Variants in HAPLN1 observed in about 807,000 individuals in gnomAD.
HAPLN1 encodes the protein Cartilage link protein.
A neutral mutation model predicts 36.5 loss-of-function variants in HAPLN1; 13 were observed. The ratio of observed to expected loss-of-function variants is 0.36; its 90% CI spans 0.23 to 0.57. HAPLN1 has a LOEUF of 0.57. Among genes scored for constraint, HAPLN1 ranks in the 20% least tolerant of loss-of-function variants. HAPLN1 has a pLI of 0.83. For synonymous variants in HAPLN1, 202 were observed against 169.8 expected (o/e 1.19, Z -1.48); for missense variants, 407 against 439.7 (o/e 0.93, Z 0.66).
In HAPLN1 at chr5:83,639,418, C is replaced by T. The variant is rs984270739; in HGVS notation, c.*2078G>A. The T allele has an allele frequency of 6.6e-6, 1 of 152,030 alleles. No homozygotes were observed. The allele number at this position is 152,030 out of a possible 1,614,324, so 9.4% of individuals were successfully genotyped here. Reference sequence around the variant, plus strand: ...AGTTAAGAAATACTACTACATTTAACATTATAAAGTAGAGTTCTGGACATA... The same window carrying T: ...AGTTAAGAAATACTACTACATTTAATATTATAAAGTAGAGTTCTGGACATA... On this transcript the variant is annotated 3_prime_UTR_variant, in exon 5 of 5. Coordinates refer to ENST00000274341, the MANE Select transcript of HAPLN1 (RefSeq NM_001884.4).
rs377530571 is a variant in HAPLN1 at position 83,644,645 on chromosome 5, G to T, written c.493C>A (p.Pro165Thr). ...DLQGVVFPYFPRLGRYNLNFH... is the reference protein window; with the variant it reads ...DLQGVVFPYFTRLGRYNLNFH... ...TTGAGATTGTAGCGCCCCAGTCGTG[G>T]AAAGTAAGGGAATACCACACCTGTC... Residue 165 changes from proline (P) to threonine (T), a missense_variant, in exon 4 of 5, where the codon CCA (proline) becomes ACA (threonine). Physicochemically the swap from Pro to Thr is conservative, Grantham distance 38 (BLOSUM62 -1). Transcript: ENST00000274341. 3.5e-5 allele frequency: 51 copies of T among 1,474,444 alleles called. 1 individual carries two copies. In the East Asian group the frequency reaches 1.3e-3, roughly 37 times the overall value. The allele number at this position is 1,474,444 out of a possible 1,614,324, so 91.3% of individuals were successfully genotyped here. A position where few individuals can be genotyped will look rare whatever the true frequency, so the allele number is the denominator to read the frequency against.
At chr5:83,667,590 T>A (rs1750587941) in intron 2 of HAPLN1, among the ~76,000 whole-genome samples, 1 of 152,176 alleles carries the variant, frequency 6.6e-6, no homozygotes, top group African/African-American at 2.4e-5. Context: ...GAAAATGAAT[T>A]GATGTAGCTT....
chr5:83,678,930 T>A (rs1750929088), intron 1 of HAPLN1, among the ~76,000 whole-genome samples: 1 of 152,184 alleles, frequency 6.6e-6, no homozygotes, highest in African/African-American at 2.4e-5. Flanking sequence ...ACAATATTTG[T>A]TATGGAGTTT....
intron 1 of HAPLN1, among the ~76,000 whole-genome samples, chr5:83,719,821 A>G (rs1015124166): frequency 2.0e-5 from 3 of 152,212 alleles, no homozygotes; most frequent in South Asian, 2.1e-4. Context: ...TCATTTAGAA[A>G]TCAATCCACA....
chr5:83,699,231 T>G (rs537143227), intron 1 of HAPLN1, among the ~76,000 whole-genome samples: 1 of 152,156 alleles, frequency 6.6e-6, no homozygotes, highest in Non-Finnish European at 1.5e-5. Context: ...CAAACAACTA[T>G]TGAAGGAGAT....
intron 3 of HAPLN1, among the ~76,000 whole-genome samples, chr5:83,645,770 A>T (rs1309252390): frequency 6.6e-6 from 1 of 152,072 alleles, no homozygotes; most frequent in African/African-American, 2.4e-5. Flanking sequence ...AAATAGCAGG[A>T]CTAAAACAAG....
chr5:83,672,174 G>T (rs1253105101), intron 2 of HAPLN1, among the ~76,000 whole-genome samples: 3 of 152,056 alleles, frequency 2.0e-5, no homozygotes, highest in Admixed American at 6.6e-5. Context: ...ATTGCATTGG[G>T]TATAAAACTG....
At position 83,645,886 on chromosome 5, in the gene HAPLN1, A is replaced by G. The variant is rs1433228497; in HGVS notation, c.473-1221T>C. On this transcript the variant is annotated intron_variant, in intron 3 of 4. Transcript: ENST00000274341. Reference sequence around the variant, plus strand: ...AACATTTTTATTATAAACAGGAAAAAAAAACTTCCCTAAGCTTGTCCTGTA... The same window carrying G: ...AACATTTTTATTATAAACAGGAAAAGAAAACTTCCCTAAGCTTGTCCTGTA... Among the ~76,000 whole-genome samples the G allele has an allele frequency of 2.0e-5, 3 of 152,210 alleles. No homozygotes were observed. The South Asian group carries it at 6.2e-4, about 32-fold the overall frequency.
chr5:83,695,666 A>G (rs1224319920), intron 1 of HAPLN1, among the ~76,000 whole-genome samples: 3 of 147,872 alleles, frequency 2.0e-5, no homozygotes, highest in Non-Finnish European at 3.0e-5. Context: ...ATATATATCT[A>G]TATGTATTTA....
intron 1 of HAPLN1, among the ~76,000 whole-genome samples, chr5:83,704,431 A>C (rs1483936713): frequency 2.0e-5 from 3 of 152,214 alleles, no homozygotes; most frequent in Admixed American, 2.0e-4. Flanking sequence ...AAATGGGATA[A>C]ATTTCTCACT....
intron 1 of HAPLN1, among the ~76,000 whole-genome samples, chr5:83,696,624 C>T (rs1334936503): frequency 1.3e-5 from 2 of 152,076 alleles, no homozygotes; most frequent in African/African-American, 4.8e-5. Context: ...TATGGCCAAA[C>T]TGCTCTTCAG....
At chr5:83,689,369 C>T (rs897355489) in intron 1 of HAPLN1, among the ~76,000 whole-genome samples, 3 of 152,038 alleles carry the variant, frequency 2.0e-5, no homozygotes, top group Non-Finnish European at 2.9e-5. Flanking sequence ...ATGAAGATTA[C>T]TAATATTACT....
intron 4 of HAPLN1, among the ~76,000 whole-genome samples, chr5:83,642,905 T>G (rs1382969125): frequency 4.6e-5 from 7 of 152,202 alleles, no homozygotes; most frequent in Admixed American, 4.6e-4. Context: ...TGCTGCCATC[T>G]CCCTCTGGGT....
chr5:83,710,830 A>C (rs1751764295), intron 1 of HAPLN1, among the ~76,000 whole-genome samples: 2 of 152,094 alleles, frequency 1.3e-5, no homozygotes, highest in African/African-American at 4.8e-5. Flanking sequence ...AGGCGCCTGT[A>C]GTCCCAGCTA....
At chr5:83,684,100 T>C (rs951280618) in intron 1 of HAPLN1, among the ~76,000 whole-genome samples, 7 of 151,994 alleles carry the variant, frequency 4.6e-5, no homozygotes, top group Admixed American at 4.6e-4. Flanking sequence ...GCATGGCCCC[T>C]GAGAATGGGA....
At chr5:83,644,784 C>T (rs1040884319) in intron 3 of HAPLN1, 119 bp from the exon 4 acceptor site, 9 of 593,506 alleles carry the variant, frequency 1.5e-5, no homozygotes, top group Admixed American at 1.3e-4. Context: ...AGTAGTTTTT[C>T]GTCAACTAGC....
At chr5:83,662,445 C>T (rs185630284) in intron 2 of HAPLN1, among the ~76,000 whole-genome samples, 30 of 152,150 alleles carry the variant, frequency 2.0e-4, no homozygotes, top group African/African-American at 7.0e-4. Context: ...TCTGTGTTAT[C>T]AAAGATTTAT....
At chr5:83,673,336 C>T (rs902658203) in intron 2 of HAPLN1, 88 bp downstream of exon 2, 1 of 897,782 alleles carries the variant, frequency 1.1e-6, no homozygotes, top group East Asian at 2.6e-5. Flanking sequence ...TGCAGCAGAA[C>T]TAAAATTAAG....
rs1277440818 is a variant in HAPLN1, at chr5:83,641,619, G to A, written c.942C>T (p.Val314=). 2 of 1,614,176 alleles carry A rather than the reference G, an allele frequency of 1.2e-6. No homozygotes were observed. Residue 314 remains valine, a synonymous_variant, in exon 5 of 5, where the codon GTC becomes GTT. Transcript: ENST00000274341. ...CDAGWLADGS[V]RYPISRPRRR... is the part of the protein sequence containing the mutation. Reference sequence around the variant, plus strand: ...TTCTTGGCCTAGAGATGGGGTAGCGGACGCTGCCATCCGCCAACCAGCCCG... The same window carrying A: ...TTCTTGGCCTAGAGATGGGGTAGCGAACGCTGCCATCCGCCAACCAGCCCG...
Sources: allele counts gnomAD v4.1 joint callset (sites outside exome capture counted in the v4.1 genomes callset), GRCh38; gene constraint gnomAD v4.1.1; transcripts MANE v1.5; gene names NCBI Gene and HGNC (gene_info 2026-07-23, HGNC 2026-07-21).